MTUS1: variants seen among roughly 807,000 people sequenced by gnomAD.
MTUS1 encodes microtubule associated scaffold protein 1, also known as microtubule-associated tumor suppressor 1.
A neutral mutation model predicts 120.8 loss-of-function variants in MTUS1; 109 were observed. That is an observed-to-expected ratio of 0.90 (90% CI 0.77 to 1.06). MTUS1 has a LOEUF of 1.06. Ranked by LOEUF, MTUS1 falls within the 50% of genes least tolerant of loss-of-function variation. The pLI, the probability that MTUS1 is intolerant of heterozygous loss-of-function variation, is 0.00. For synonymous variants in MTUS1, 737 were observed against 550.5 expected (o/e 1.34, Z -4.74); for missense variants, 2,210 against 1,486.3 (o/e 1.49, Z -8.01).
intron 6 of MTUS1, among the ~76,000 whole-genome samples, chr8:17,711,354 C>A (rs561983103): frequency 6.6e-6 from 1 of 152,194 alleles, no homozygotes; most frequent in Admixed American, 6.5e-5. Context: ...CTGGATGACT[C>A]GCTGTAGCTT....
At chr8:17,736,362 G>A (rs773490333) in intron 3 of MTUS1, among the ~76,000 whole-genome samples, 2 of 152,074 alleles carry the variant, frequency 1.3e-5, no homozygotes, top group Non-Finnish European at 2.9e-5. Context: ...CACACACAGT[G>A]CGTGGTTCAC....
chr8:17,664,686 G>GA (rs1810509160), intron 8 of MTUS1, among the ~76,000 whole-genome samples: 1 of 152,096 alleles, frequency 6.6e-6, no homozygotes, highest in South Asian at 2.1e-4. Context: ...AGCAGGAGGG[G>GA]ACACTACATT....
chr8:17,740,483 A>G (rs926237198), intron 3 of MTUS1, among the ~76,000 whole-genome samples: 8 of 152,212 alleles, frequency 5.3e-5, no homozygotes, highest in African/African-American at 1.9e-4. Flanking sequence ...TGTACAATCA[A>G]TGGCAACAGG....
intron 7 of MTUS1, chr8:17,676,098 G>A (rs1233049857): frequency 1.7e-6 from 1 of 574,082 alleles, no homozygotes; most frequent in Non-Finnish European, 3.1e-6. Flanking sequence ...GCCCTCACGA[G>A]GATCACCCAA....
intron 3 of MTUS1, chr8:17,724,079 G>C (rs2046035107): frequency 3.5e-6 from 2 of 563,702 alleles, no homozygotes; most frequent in Non-Finnish European, 6.4e-6. Context: ...GAGTAACCCT[G>C]TCTCCTAAAG....
intron 6 of MTUS1, among the ~76,000 whole-genome samples, chr8:17,692,695 A>G (rs1489264468): frequency 6.6e-6 from 1 of 152,124 alleles, no homozygotes; most frequent in African/African-American, 2.4e-5. Flanking sequence ...GAGGAGGGAG[A>G]GGAGCAGAAA....
chr8:17,800,370 A>G (rs2052584467), intron 1 of MTUS1, among the ~76,000 whole-genome samples: 1 of 152,198 alleles, frequency 6.6e-6, no homozygotes. Flanking sequence ...AACACACTGG[A>G]TTTCCTTTCT....
intron 1 of MTUS1, among the ~76,000 whole-genome samples, chr8:17,757,320 T>G (rs138651787): frequency 1.3e-5 from 2 of 152,224 alleles, no homozygotes; most frequent in East Asian, 1.9e-4. Flanking sequence ...ACATACTATA[T>G]GACACTATTT....
chr8:17,785,358 G>C (rs1181151850), intron 1 of MTUS1, among the ~76,000 whole-genome samples: 1 of 152,196 alleles, frequency 6.6e-6, no homozygotes, highest in East Asian at 1.9e-4. Flanking sequence ...ACTTCCAGAA[G>C]AAGATAAAGC....
At chr8:17,766,523 T>C (rs1394911093) in intron 1 of MTUS1, among the ~76,000 whole-genome samples, 1 of 152,220 alleles carries the variant, frequency 6.6e-6, no homozygotes, top group Admixed American at 6.5e-5. Flanking sequence ...GCAGATCTTA[T>C]CTGAAGGTGA....
chr8:17,792,402 T>C (rs2051868051), intron 1 of MTUS1, among the ~76,000 whole-genome samples: 1 of 152,220 alleles, frequency 6.6e-6, no homozygotes, highest in Non-Finnish European at 1.5e-5. Flanking sequence ...ACCAGAACTT[T>C]CCAACAAAAT....
At chr8:17,794,570 T>G (rs892307659) in intron 1 of MTUS1, among the ~76,000 whole-genome samples, 1 of 152,156 alleles carries the variant, frequency 6.6e-6, no homozygotes, top group Non-Finnish European at 1.5e-5. Context: ...TCCAATATCC[T>G]TCTACCCTAT....
Position 17,723,682 on chromosome 8 carries a change from G to A in MTUS1, c.2439C>T (p.Tyr813=), listed in dbSNP as rs748518684. ...IASTHSELST[Y]SNNSGNAAVI... ...ATAAAGTCGACTTACAATTGTTGCT[G>A]TAAGTGCTCAGCTCACTGTGGGTGC... Residue 813 remains tyrosine, a synonymous_variant, in exon 4 of 15, where the codon TAC becomes TAT. Transcript: ENST00000693296. 1.2e-6 allele frequency: 2 copies of A among 1,610,194 alleles called. No individual in the cohort carries two copies. The highest frequency in any genetic ancestry group is 1.7e-4 in the Middle Eastern group (1 of 6,044).
At chr8:17,695,231 C>G (rs1327890355) in intron 6 of MTUS1, among the ~76,000 whole-genome samples, 2 of 152,162 alleles carry the variant, frequency 1.3e-5, no homozygotes, top group Non-Finnish European at 2.9e-5. Context: ...TTTTAAAAAG[C>G]CTCCAACACA....
chr8:17,683,281 G>A (rs1021738494), intron 7 of MTUS1, among the ~76,000 whole-genome samples: 1 of 151,842 alleles, frequency 6.6e-6, no homozygotes, highest in East Asian at 1.9e-4. Flanking sequence ...CAAAAAAAAA[G>A]AGAATTCATT....
At chr8:17,781,830 C>A (rs2050898381) in intron 1 of MTUS1, among the ~76,000 whole-genome samples, 1 of 152,186 alleles carries the variant, frequency 6.6e-6, no homozygotes, top group African/African-American at 2.4e-5. Context: ...TATTTTTGGG[C>A]TGGCAGCCCC....
rs1187317644 is a variant in MTUS1 at position 17,743,510 on chromosome 8, C to G, written c.2287+94G>C. The G allele has an allele frequency of 5.0e-6, 6 of 1,203,794 alleles. No homozygotes were observed. The African/African-American group carries it at 6.1e-5, about 12-fold the overall frequency. 74.6% of individuals were successfully genotyped at this position (1,203,794 alleles called of 1,614,324 possible). On this transcript the variant is annotated intron_variant, in intron 3 of 14. Transcript: ENST00000693296. ...AGGATGCTGATCCACAAAAGGCTAA[C>G]TGCTTTAGTGACAGAAGGCATTAGA...
intron 2 of MTUS1, among the ~76,000 whole-genome samples, chr8:17,751,040 G>GGC (rs1269687199): frequency 6.6e-6 from 1 of 152,186 alleles, no homozygotes; most frequent in Non-Finnish European, 1.5e-5. Flanking sequence ...CATCCGACCG[G>GGC]GCGCGATGGC....
intron 12 of MTUS1, among the ~76,000 whole-genome samples, chr8:17,650,491 T>C (rs1806749372): frequency 6.6e-6 from 1 of 152,058 alleles, no homozygotes. Context: ...TCATTTTCTA[T>C]TGTGACACCC....
Sources: gnomAD v4.1 joint callset for allele counts (sites outside exome capture counted in the v4.1 genomes callset) on GRCh38, gnomAD v4.1.1 for gene constraint, MANE v1.5 for transcripts, NCBI Gene and HGNC (gene_info 2026-07-23, HGNC 2026-07-21) for gene names.